Variants in USP34 observed in about 807,000 individuals in gnomAD.
The protein encoded by USP34 is ubiquitin carboxyl-terminal hydrolase 34.
In USP34, 70 loss-of-function variants were observed where a neutral mutation model predicts 460.3. The ratio of observed to expected loss-of-function variants is 0.15; its 90% CI spans 0.13 to 0.19. The LOEUF (loss-of-function observed/expected upper bound fraction) is 0.19. USP34 is among the 10% of genes least tolerant of loss of function. The pLI is 1.00. For missense variants in USP34, 3,985 were observed against 4,236.2 expected (o/e 0.94, Z 1.65); for synonymous variants, 1,647 against 1,405.3 (o/e 1.17, Z -3.85).
chr2:61,188,706 T>C lies in USP34; in HGVS notation c.10037A>G (p.Asp3346Gly). Reference protein sequence around the residue: ...QEAKERKTKDDEGATPIKRRR... With the variant: ...QEAKERKTKDGEGATPIKRRR... ...CCTTTTAATGGGAGTTGCTCCTTCA[T>C]CATCTGTGAAAACACATGCCAAAAG... Residue 3346 changes from aspartate to glycine, a missense_variant, in exon 80 of 80, where the codon GAT becomes GGT. Physicochemically the swap from Asp to Gly is moderately conservative, Grantham distance 94. Coordinates refer to ENST00000398571, the MANE Select transcript of USP34 (RefSeq NM_014709.4). The C allele has an allele frequency of 6.2e-7, 1 of 1,612,248 alleles. No individual in the cohort carries two copies. Among genetic ancestry groups the C allele is most frequent in the South Asian group, 1.1e-5 (1 of 90,742 alleles).
chr2:61,320,870 C>T (rs1183276909), intron 21 of USP34, among the ~76,000 whole-genome samples: 1 of 151,928 alleles, frequency 6.6e-6, no homozygotes, highest in African/African-American at 2.4e-5. Flanking sequence ...ATTAGCCAGG[C>T]GTGGTGGTGG....
At chr2:61,272,342 C>A (rs1689239919) in intron 41 of USP34, among the ~76,000 whole-genome samples, 1 of 145,874 alleles carries the variant, frequency 6.9e-6, no homozygotes, top group Non-Finnish European at 1.5e-5. Flanking sequence ...ACCTGGGAGG[C>A]AGAGCTTGCA....
intron 1 of USP34, among the ~76,000 whole-genome samples, chr2:61,425,130 A>G (rs1239988963): frequency 6.6e-6 from 1 of 152,104 alleles, no homozygotes; most frequent in African/African-American, 2.4e-5. Context: ...TTTTAGACTG[A>G]AAACAGGTGG....
chr2:61,231,700 C>A (rs1036437440), intron 58 of USP34, among the ~76,000 whole-genome samples: 1 of 151,578 alleles, frequency 6.6e-6, no homozygotes, highest in African/African-American at 2.4e-5. Context: ...GGTGACAGAA[C>A]AAGACTCTGT....
At chr2:61,288,623 C>T in intron 34 of USP34, 54 bp downstream of exon 34, 2 of 1,557,014 alleles carry the variant, frequency 1.3e-6, no homozygotes, top group South Asian at 2.2e-5. Flanking sequence ...CATATTTCTT[C>T]AGTTTATAAA....
intron 67 of USP34, among the ~76,000 whole-genome samples, chr2:61,217,975 GAAAATA>G (rs892796120): frequency 6.6e-6 from 1 of 151,640 alleles, no homozygotes; most frequent in African/African-American, 2.4e-5. Context: ...AAATAAATAA[GAAAATA>G]AAAATAAATA....
intron 3 of USP34, among the ~76,000 whole-genome samples, chr2:61,402,590 G>C (rs1055442783): frequency 6.6e-6 from 1 of 152,182 alleles, no homozygotes; most frequent in Non-Finnish European, 1.5e-5. Flanking sequence ...AAAGTGTTGA[G>C]TAGGTTTCTA....
At chr2:61,409,405 C>A (rs1021048731) in intron 2 of USP34, among the ~76,000 whole-genome samples, 1 of 151,846 alleles carries the variant, frequency 6.6e-6, no homozygotes, top group East Asian at 1.9e-4. Context: ...AAGATTCAGC[C>A]AAACTTACTT....
Position 61,280,284 on chromosome 2 carries a change from C to A in USP34, c.5216G>T (p.Cys1739Phe). ...PGCKEYFWLL[C>F]KLVDNIHIKD... ...TATATGTATGTTGTCAACTAATTTG[C>A]ATAACAACCAAAAATACTCTTTACA... is the stretch of plus-strand genomic sequence containing the variant. Residue 1739 changes from cysteine (C) to phenylalanine (F), a missense_variant, in exon 39 of 80, where the codon TGC becomes TTC. This residue lies in a region of USP34 where 1,114 missense variants were observed against 1,122.5 expected (regional missense o/e 0.99). Transcript: ENST00000398571. 1 of 1,562,196 alleles carries A rather than the reference C, an allele frequency of 6.4e-7. No homozygotes were observed. Among genetic ancestry groups the A allele is most frequent in the Admixed American group, 1.9e-5 (1 of 53,922 alleles).
chr2:61,425,119 T>C (rs1176470226), intron 1 of USP34, among the ~76,000 whole-genome samples: 1 of 152,122 alleles, frequency 6.6e-6, no homozygotes, highest in Non-Finnish European at 1.5e-5. Context: ...TGCCACTGAT[T>C]TTTTAGACTG....
intron 1 of USP34, among the ~76,000 whole-genome samples, chr2:61,427,811 T>C (rs1291884405): frequency 6.6e-6 from 1 of 152,032 alleles, no homozygotes; most frequent in Non-Finnish European, 1.5e-5. Context: ...AAACGGAATT[T>C]CTAAAAATGA....
chr2:61,367,268 T>C (rs1008074185), intron 10 of USP34, among the ~76,000 whole-genome samples: 3 of 152,210 alleles, frequency 2.0e-5, no homozygotes, highest in Non-Finnish European at 2.9e-5. Context: ...CACTGTCTTA[T>C]AAGGCAATAA....
chr2:61,420,842 A>T lies in USP34; in HGVS notation c.44-9T>A. On this transcript the variant is annotated splice_polypyrimidine_tract_variant and intron_variant, in intron 1 of 79. Transcript: ENST00000398571. ...ACCTTCTACATCTGATACTGAAATAAAAAAGAAATTTTAAAATTATGAATA... is the reference window on the plus strand; with the variant it reads ...ACCTTCTACATCTGATACTGAAATATAAAAGAAATTTTAAAATTATGAATA... 1 of 1,597,680 alleles carries T rather than the reference A, an allele frequency of 6.3e-7. No homozygotes were observed. The highest frequency in any genetic ancestry group is 1.7e-5 in the Admixed American group (1 of 57,818).
At chr2:61,341,418 T>C (rs1329142028) in intron 16 of USP34, among the ~76,000 whole-genome samples, 1 of 152,212 alleles carries the variant, frequency 6.6e-6, no homozygotes, top group Admixed American at 6.5e-5. Context: ...CATGTTGAAA[T>C]GTGACCTCCA....
At chr2:61,195,761 T>G (rs1484552778) in intron 75 of USP34, among the ~76,000 whole-genome samples, 1 of 152,104 alleles carries the variant, frequency 6.6e-6, no homozygotes, top group Non-Finnish European at 1.5e-5. Context: ...TAGTGTCCCC[T>G]CTTTGCAAAA....
intron 1 of USP34, among the ~76,000 whole-genome samples, chr2:61,451,882 G>C (rs949980686): frequency 2.6e-5 from 4 of 151,796 alleles, no homozygotes; most frequent in Non-Finnish European, 5.9e-5. Context: ...GCTAGAAAAA[G>C]ACTTAATTGA....
At chr2:61,416,821 T>TGGGGGG (rs55720314) in intron 2 of USP34, 113 of 219,374 alleles carry the variant, frequency 5.2e-4, no homozygotes, top group South Asian at 6.2e-4. Flanking sequence ...TTTTTTTTTT[T>TGGGGGG]GGGGGGGGGG....
intron 2 of USP34, chr2:61,417,259 C>A: frequency 8.7e-7 from 1 of 1,149,662 alleles, no homozygotes; most frequent in Non-Finnish European, 1.3e-6. Context: ...TCTCCAAGGT[C>A]CCTTAGAGCA....
intron 1 of USP34, among the ~76,000 whole-genome samples, chr2:61,451,220 C>CAAAAAAAAAAAAAAAAAAAAAAAAAA (rs70963432): frequency 3.9e-5 from 2 of 50,806 alleles, no homozygotes; most frequent in African/African-American, 1.0e-4. Context: ...GGCTTCATCT[C>CAAAAAAAAAAAAAAAAAAAAAAAAAA]AAAAAAAAAA....
Sources: allele counts gnomAD v4.1 joint callset (sites outside exome capture counted in the v4.1 genomes callset), GRCh38; gene constraint gnomAD v4.1.1; regional missense constraint gnomAD v4.1.1; transcripts MANE v1.5; gene names NCBI Gene and HGNC (gene_info 2026-07-23, HGNC 2026-07-21).